Variants in COL25A1 observed in about 807,000 individuals in gnomAD.
COL25A1 encodes collagen alpha-1(XXV) chain.
COL25A1 carries 103 observed loss-of-function variants against 128.4 expected under a neutral mutation model. The ratio of observed to expected loss-of-function variants is 0.80; its 90% CI spans 0.68 to 0.94. The LOEUF is 0.94. Among genes scored for constraint, COL25A1 ranks in the 40% least tolerant of loss-of-function variants. The pLI, the probability that COL25A1 is intolerant of heterozygous loss-of-function variation, is 0.00. For missense variants in COL25A1, 745 were observed against 840.0 expected (o/e 0.89, Z 1.40); for synonymous variants, 279 against 277.2 (o/e 1.01, Z -0.06).
chr4:109,079,640 G>T (rs143134482), intron 3 of COL25A1, among the ~76,000 whole-genome samples: 5 of 152,070 alleles, frequency 3.3e-5, no homozygotes, highest in African/African-American at 1.2e-4. Context: ...GCTTATAGGA[G>T]GCAGCAGCTG....
At chr4:108,954,193 T>C (rs949914807) in intron 8 of COL25A1, among the ~76,000 whole-genome samples, 1 of 152,140 alleles carries the variant, frequency 6.6e-6, no homozygotes, top group Non-Finnish European at 1.5e-5. Flanking sequence ...ATGGTTTCTC[T>C]GGGAATGTCA....
chr4:108,910,270 T>C (rs1028618469), intron 13 of COL25A1, among the ~76,000 whole-genome samples: 5 of 152,162 alleles, frequency 3.3e-5, no homozygotes, highest in Non-Finnish European at 7.4e-5. Flanking sequence ...AAATTTTAAA[T>C]GTTTATGTCC....
At chr4:108,968,139 C>T (rs1751527405) in intron 8 of COL25A1, among the ~76,000 whole-genome samples, 2 of 152,178 alleles carry the variant, frequency 1.3e-5, no homozygotes, top group African/African-American at 4.8e-5. Flanking sequence ...GGAAATCTAA[C>T]ACTCAGTGCC....
At chr4:109,120,626 C>T (rs910441972) in intron 3 of COL25A1, among the ~76,000 whole-genome samples, 4 of 151,648 alleles carry the variant, frequency 2.6e-5, no homozygotes, top group Non-Finnish European at 5.9e-5. Flanking sequence ...CTGGGAAACA[C>T]GGCAAAACTC....
intron 3 of COL25A1, among the ~76,000 whole-genome samples, chr4:109,108,130 C>T (rs1290949133): frequency 3.9e-5 from 6 of 152,138 alleles, no homozygotes; most frequent in Non-Finnish European, 5.9e-5. Context: ...GCTGCACCCA[C>T]TAACTCGTCA....
chr4:109,205,972 G>C (rs1029175510), intron 3 of COL25A1, among the ~76,000 whole-genome samples: 8 of 151,952 alleles, frequency 5.3e-5, no homozygotes, highest in Non-Finnish European at 1.0e-4. Context: ...ATCTGGTTCT[G>C]TTTCATACTC....
chr4:109,055,746 C>T (rs976648838), intron 3 of COL25A1, among the ~76,000 whole-genome samples: 7 of 152,162 alleles, frequency 4.6e-5, no homozygotes, highest in Admixed American at 4.6e-4. Flanking sequence ...GCTGACCACT[C>T]GGAAAACTTT....
Position 109,045,549 on chromosome 4 carries a change from G to A in COL25A1, c.420+2619C>T, listed in dbSNP as rs572997161. Among the ~76,000 whole-genome samples the A allele has an allele frequency of 2.0e-5, 3 of 152,242 alleles. No individual in the cohort carries two copies. The East Asian group carries it at 5.8e-4, about 29-fold the overall frequency. ...ACCTACTCTAAAGCAAAATTTGATG[G>A]AAGGCAGATACTTTTTAGACATTAT... is the stretch of plus-strand genomic sequence containing the variant. On this transcript the variant is annotated intron_variant, in intron 5 of 37. Transcript: ENST00000399132.
At chr4:108,929,746 A>T (rs1478218906) in intron 11 of COL25A1, among the ~76,000 whole-genome samples, 1 of 152,070 alleles carries the variant, frequency 6.6e-6, no homozygotes, top group Non-Finnish European at 1.5e-5. Flanking sequence ...GGATTCCTTG[A>T]ACCCAGGAGT....
At chr4:109,292,253 T>C (rs993769385) in intron 3 of COL25A1, among the ~76,000 whole-genome samples, 1 of 152,098 alleles carries the variant, frequency 6.6e-6, no homozygotes, top group African/African-American at 2.4e-5. Context: ...ATGGGGTTTC[T>C]CATATAATTT....
At chr4:109,236,289 C>T (rs1425103354) in intron 3 of COL25A1, among the ~76,000 whole-genome samples, 1 of 151,920 alleles carries the variant, frequency 6.6e-6, no homozygotes, top group Non-Finnish European at 1.5e-5. Context: ...ACAATTTTTC[C>T]AGAATATATT....
At chr4:109,146,766 G>T (rs985684544) in intron 3 of COL25A1, among the ~76,000 whole-genome samples, 2 of 152,188 alleles carry the variant, frequency 1.3e-5, no homozygotes, top group African/African-American at 4.8e-5. Flanking sequence ...TTCCACTCTT[G>T]CAGAATATGA....
intron 3 of COL25A1, among the ~76,000 whole-genome samples, chr4:109,214,157 T>C (rs1777802616): frequency 6.6e-6 from 1 of 152,098 alleles, no homozygotes; most frequent in Non-Finnish European, 1.5e-5. Context: ...TTCAGACTCA[T>C]AGGGCCTAAT....
chr4:109,272,160 C>T (rs1487908743), intron 3 of COL25A1, among the ~76,000 whole-genome samples: 2 of 151,852 alleles, frequency 1.3e-5, no homozygotes, highest in African/African-American at 4.8e-5. Context: ...CACCTGAGCC[C>T]GAGAGGTCAA....
chr4:108,823,344 A>C (rs1463285970), intron 35 of COL25A1, among the ~76,000 whole-genome samples: 1 of 152,098 alleles, frequency 6.6e-6, no homozygotes, highest in East Asian at 1.9e-4. Flanking sequence ...TAAAAGACCC[A>C]AGCAAAATAC....
chr4:109,035,195 A>G (rs1759225302), intron 5 of COL25A1, among the ~76,000 whole-genome samples: 1 of 152,210 alleles, frequency 6.6e-6, no homozygotes, highest in Non-Finnish European at 1.5e-5. Context: ...ACAAAGGCAC[A>G]TCTGAAATGA....
At chr4:108,928,645 C>T (rs576107035) in intron 11 of COL25A1, among the ~76,000 whole-genome samples, 7 of 151,930 alleles carry the variant, frequency 4.6e-5, no homozygotes, top group East Asian at 3.9e-4. Context: ...CAGCCTCAAG[C>T]GATCCTCCTG....
chr4:108,837,916 T>C (rs561296653), intron 31 of COL25A1, among the ~76,000 whole-genome samples: 1 of 152,332 alleles, frequency 6.6e-6, no homozygotes, highest in Admixed American at 6.5e-5. Context: ...TTGTGGGTCT[T>C]CCTCTGACAC....
chr4:109,083,821 A>G (rs1027354799), intron 3 of COL25A1, among the ~76,000 whole-genome samples: 1 of 152,136 alleles, frequency 6.6e-6, no homozygotes, highest in African/African-American at 2.4e-5. Flanking sequence ...TTCTGTAATA[A>G]TCTTCCACAA....
Sources: gnomAD v4.1 joint callset for allele counts (sites outside exome capture counted in the v4.1 genomes callset) on GRCh38, gnomAD v4.1.1 for gene constraint, MANE v1.5 for transcripts, NCBI Gene and HGNC (gene_info 2026-07-23, HGNC 2026-07-21) for gene names.